The following SHLD1 variants were observed in gnomAD, a reference collection of about 807,000 sequenced individuals.
SHLD1 encodes RINN1-REV7-interacting novel NHEJ regulator 3.
SHLD1 carries 3 observed loss-of-function variants against 5.5 expected under a neutral mutation model. That is an observed-to-expected ratio of 0.54 (90% CI 0.25 to 1.40). SHLD1 has a LOEUF of 1.40. Ranked by LOEUF, SHLD1 falls within the 40% of genes most tolerant of loss-of-function variation. SHLD1 has a pLI of 0.15. For missense variants in SHLD1, 210 were observed against 244.4 expected, an observed-to-expected ratio of 0.86 and a Z score of 0.94; for synonymous variants, 92 against 94.3, an observed-to-expected ratio of 0.98 and a Z score of 0.14.
chr20:5,858,442 A>G (rs927988622), intron 2 of SHLD1, among the ~76,000 whole-genome samples: 9 of 152,226 alleles, frequency 5.9e-5, no homozygotes, highest in Non-Finnish European at 1.3e-4. Context: ...GAACACAACT[A>G]TTAATCTCAA....
chr20:5,815,236 G>T (rs983602152), intron 2 of SHLD1, among the ~76,000 whole-genome samples: 3 of 152,186 alleles, frequency 2.0e-5, no homozygotes, highest in Admixed American at 6.5e-5. Context: ...TGATGCCCGG[G>T]ACTCATCTCC....
intron 2 of SHLD1, among the ~76,000 whole-genome samples, chr20:5,820,711 C>G (rs78051507): frequency 0.019 from 2,944 of 152,348 alleles, 101 homozygotes; most frequent in African/African-American, 0.067. Context: ...GATGGCCTAG[C>G]CTGCTGCCAT....
Position 5,756,140 on chromosome 20 carries a change from C to T in SHLD1, c.-5+5661C>T, listed in dbSNP as rs576216828. Reference sequence around the variant, plus strand: ...GTATAAGGAGGCATCTCTGACCCCCCTTTCCATCATCGCCTGAACTAGTTT... The same window carrying T: ...GTATAAGGAGGCATCTCTGACCCCCTTTTCCATCATCGCCTGAACTAGTTT... On this transcript the variant is annotated intron_variant, in intron 1 of 2. Transcript: ENST00000303142. Among the ~76,000 whole-genome samples the T allele has an allele frequency of 4.5e-4, 68 of 152,110 alleles. 1 individual carries two copies. Among genetic ancestry groups the T allele is most frequent in the South Asian group, 1.0e-3 (5 of 4,812 alleles).
chr20:5,769,270 C>T lies in SHLD1; in HGVS notation c.-4-3592C>T, dbSNP rs188462661. On this transcript the variant is annotated intron_variant, in intron 1 of 2. Coordinates refer to ENST00000303142, the MANE Select transcript of SHLD1 (RefSeq NM_152504.4). Reference sequence around the variant, plus strand: ...TGTGGTATTTCATTGAGAGAGTGCTCTCTGATTGAACCATTCCCTTTTCTG... The same window carrying T: ...TGTGGTATTTCATTGAGAGAGTGCTTTCTGATTGAACCATTCCCTTTTCTG... Among the ~76,000 whole-genome samples the T allele has an allele frequency of 8.7e-4, 132 of 152,298 alleles. 1 individual carries two copies. The highest frequency in any genetic ancestry group is 3.1e-3 in the African/African-American group (127 of 41,556).
chr20:5,848,653 C>G (rs1398383334), intron 2 of SHLD1, among the ~76,000 whole-genome samples: 1 of 152,140 alleles, frequency 6.6e-6, no homozygotes, highest in Non-Finnish European at 1.5e-5. Context: ...TTGGATGTTA[C>G]AGTTCTCTGT....
rs147589223 is a variant in SHLD1, at chr20:5,793,336, C to T, written c.178+20293C>T. 2.6e-5 allele frequency among the ~76,000 whole-genome samples: 4 copies of T among 152,092 alleles called. No homozygotes were observed. The East Asian group carries it at 7.7e-4, about 29-fold the overall frequency. On this transcript the variant is annotated intron_variant, in intron 2 of 2. Coordinates refer to ENST00000303142, the MANE Select transcript of SHLD1 (RefSeq NM_152504.4). ...GCATGTAAATTTATGTATTTTAGTG[C>T]ATTTGTTTATGTAGAGATTTTAACA...
intron 1 of SHLD1, among the ~76,000 whole-genome samples, chr20:5,769,321 A>G (rs961387352): frequency 4.6e-5 from 7 of 152,208 alleles, no homozygotes; most frequent in Non-Finnish European, 1.0e-4. Context: ...TCCAGCTGAA[A>G]TTATTAATGT....
At chr20:5,828,533 C>T (rs142493760) in intron 2 of SHLD1, among the ~76,000 whole-genome samples, 1,801 of 152,220 alleles carry the variant, frequency 0.012, 17 homozygotes, top group Non-Finnish European at 0.019. Context: ...AGAGCAGCCA[C>T]CCTTTCCACT....
chr20:5,862,541 A>G (rs920508900), intron 2 of SHLD1, among the ~76,000 whole-genome samples: 6 of 152,236 alleles, frequency 3.9e-5, no homozygotes, highest in Admixed American at 6.5e-5. Flanking sequence ...GGACTTGTCC[A>G]AGTTATTCTT....
chr20:5,806,172 A>G lies in SHLD1; in HGVS notation c.178+33129A>G, dbSNP rs909892670. 1.3e-5 allele frequency among the ~76,000 whole-genome samples: 2 copies of G among 152,102 alleles called. No individual in the cohort carries two copies. Among genetic ancestry groups the G allele is most frequent in the African/African-American group, 4.8e-5 (2 of 41,414 alleles). Reference sequence around the variant, plus strand: ...GAGCTACCACATCTGGCTGCTTTATAATTTTTTACTTGGCGTTTCTTTATC... The same window carrying G: ...GAGCTACCACATCTGGCTGCTTTATGATTTTTTACTTGGCGTTTCTTTATC... On this transcript the variant is annotated intron_variant, in intron 2 of 2. Coordinates refer to ENST00000303142, the MANE Select transcript of SHLD1 (RefSeq NM_152504.4). The surrounding 1 kb of genome is among the most constrained non-coding windows in gnomAD (Gnocchi z 7.6).
chr20:5,803,164 T>C (rs2087321487), intron 2 of SHLD1, among the ~76,000 whole-genome samples: 1 of 152,120 alleles, frequency 6.6e-6, no homozygotes, highest in Admixed American at 6.6e-5. Flanking sequence ...GATCTTTTTT[T>C]TTTCTTTTTC....
intron 1 of SHLD1, among the ~76,000 whole-genome samples, chr20:5,769,780 G>A (rs1217171884): frequency 6.7e-6 from 1 of 149,550 alleles, no homozygotes; most frequent in Non-Finnish European, 1.5e-5. Flanking sequence ...GAGACGGGTG[G>A]ATCATCTGAG....
At chr20:5,807,908 C>A (rs1234187117) in intron 2 of SHLD1, among the ~76,000 whole-genome samples, 1 of 152,030 alleles carries the variant, frequency 6.6e-6, no homozygotes, top group African/African-American at 2.4e-5. Flanking sequence ...ATAAGGTTAG[C>A]CTATTTTTAA....
At chr20:5,759,742 T>C (rs1984351741) in intron 1 of SHLD1, among the ~76,000 whole-genome samples, 1 of 152,064 alleles carries the variant, frequency 6.6e-6, no homozygotes. Context: ...GGTTTCACCA[T>C]GTTACCCAGG....
At chr20:5,761,514 C>A (rs963580516) in intron 1 of SHLD1, among the ~76,000 whole-genome samples, 1 of 151,604 alleles carries the variant, frequency 6.6e-6, no homozygotes, top group Admixed American at 6.6e-5. Context: ...AAGATAGGAG[C>A]CTGTAATTTG....
chr20:5,772,040 A>T (rs1378706997), intron 1 of SHLD1: 7 of 407,608 alleles, frequency 1.7e-5, no homozygotes, highest in African/African-American at 1.5e-4. Context: ...AAGCCTGGCT[A>T]AATTTTTGTA....
intron 2 of SHLD1, among the ~76,000 whole-genome samples, chr20:5,829,342 G>A (rs2087702138): frequency 6.6e-6 from 1 of 152,106 alleles, no homozygotes; most frequent in Non-Finnish European, 1.5e-5. Context: ...TTTATTTGAG[G>A]TTTAACATTC....
At chr20:5,835,664 T>C (rs915095754) in intron 2 of SHLD1, among the ~76,000 whole-genome samples, 1 of 152,204 alleles carries the variant, frequency 6.6e-6, no homozygotes. Context: ...GGAGCACAGA[T>C]GGCCTTTAAA....
In SHLD1 at chr20:5,787,545, C is replaced by G. The variant is rs562452140; in HGVS notation, c.178+14502C>G. Among the ~76,000 whole-genome samples the G allele has an allele frequency of 2.6e-5, 4 of 152,276 alleles. No individual in the cohort carries two copies. In the South Asian group the frequency reaches 8.3e-4, roughly 32 times the overall value. ...GGCTTTTATGTTAATTCCTGGGTCC[C>G]CCATGTTTGACTGACCAGGTTCATG... On this transcript the variant is annotated intron_variant, in intron 2 of 2. Transcript: ENST00000303142.
Sources: allele counts gnomAD v4.1 joint callset (sites outside exome capture counted in the v4.1 genomes callset), GRCh38; gene constraint gnomAD v4.1.1; non-coding constraint Gnocchi (gnomAD v3.1); transcripts MANE v1.5; gene names NCBI Gene and HGNC (gene_info 2026-07-23, HGNC 2026-07-21).